The following RPAP3 variants were observed in gnomAD, a reference collection of about 807,000 sequenced individuals.
RPAP3 encodes the protein RNA polymerase II-associated protein 3.
RPAP3 carries 58 observed loss-of-function variants against 88.8 expected under a neutral mutation model. The ratio of observed to expected loss-of-function variants is 0.65; its 90% CI spans 0.53 to 0.81. The LOEUF (loss-of-function observed/expected upper bound fraction) is 0.81, where lower values mean the gene tolerates loss of function less well. Ranked by LOEUF, RPAP3 falls within the 40% of genes least tolerant of loss-of-function variation. RPAP3 has a pLI of 0.00. For synonymous variants in RPAP3, 255 were observed against 259.9 expected, an observed-to-expected ratio of 0.98 and a Z score of 0.18; for missense variants, 751 against 764.3, an observed-to-expected ratio of 0.98 and a Z score of 0.20.
At chr12:47,676,433 C>T (rs1317958835) in intron 12 of RPAP3, among the ~76,000 whole-genome samples, 2 of 152,118 alleles carry the variant, frequency 1.3e-5, no homozygotes, top group Non-Finnish European at 2.9e-5. Flanking sequence ...AAAAAAAACC[C>T]TTCAAAACAT....
chr12:47,668,857 G>C, intron 14 of RPAP3, 59 bp downstream of exon 14: 1 of 1,304,760 alleles, frequency 7.7e-7, no homozygotes, highest in Non-Finnish European at 1.1e-6. Flanking sequence ...TTATTATAAA[G>C]TGACAGAAGT....
At chr12:47,680,650 G>T (rs1939204568) in intron 10 of RPAP3, among the ~76,000 whole-genome samples, 1 of 151,684 alleles carries the variant, frequency 6.6e-6, no homozygotes, top group Middle Eastern at 3.2e-3. Flanking sequence ...ATAAAAAGCA[G>T]AAGGAAATTA....
At chr12:47,687,092 C>T (rs1203520085) in intron 8 of RPAP3, among the ~76,000 whole-genome samples, 185 bp from the exon 9 acceptor site, 1 of 152,092 alleles carries the variant, frequency 6.6e-6, no homozygotes, top group East Asian at 1.9e-4. Context: ...TTTTTAATGG[C>T]ATTATTCTCT....
chr12:47,692,209 C>A (rs1433045346), intron 5 of RPAP3, among the ~76,000 whole-genome samples: 1 of 152,204 alleles, frequency 6.6e-6, no homozygotes, highest in East Asian at 1.9e-4. Context: ...GCTGCATTAG[C>A]CCCTAACAAG....
rs529603372 is a variant in RPAP3, at chr12:47,684,168, A to C, written c.993-2351T>G. ...TGAAGCTAACCATCTACCAGCCTAC[A>C]TTCCACAATTTGCCAGCTCACAGGC... On this transcript the variant is annotated intron_variant, in intron 9 of 16. Transcript: ENST00000005386. Among the ~76,000 whole-genome samples the C allele has an allele frequency of 3.9e-5, 6 of 152,230 alleles. No homozygotes were observed. In the East Asian group the frequency reaches 1.2e-3, roughly 29 times the overall value.
At chr12:47,683,426 A>C (rs1939263328) in intron 9 of RPAP3, among the ~76,000 whole-genome samples, 1 of 152,214 alleles carries the variant, frequency 6.6e-6, no homozygotes, top group Non-Finnish European at 1.5e-5. Context: ...AAATCAAAAA[A>C]TTTCCAACAC....
Position 47,661,999 on chromosome 12 carries a change from G to C in RPAP3, c.*1506C>G, listed in dbSNP as rs1159442171. 1.3e-5 allele frequency: 2 copies of C among 152,232 alleles called. No homozygotes were observed. Among genetic ancestry groups the C allele is most frequent in the Non-Finnish European group, 2.9e-5 (2 of 68,080 alleles). 9.4% of individuals were successfully genotyped at this position (152,232 alleles called of 1,614,324 possible). A position where few individuals can be genotyped will look rare whatever the true frequency, so the allele number is the denominator to read the frequency against. ...TGGAGGATGGGGAGTCCAAGATGAA[G>C]ATGCCAGTAGATTCTGGTCTCTGGT... On this transcript the variant is annotated 3_prime_UTR_variant, in exon 17 of 17. Coordinates refer to ENST00000005386, the MANE Select transcript of RPAP3 (RefSeq NM_024604.3).
intron 12 of RPAP3, among the ~76,000 whole-genome samples, chr12:47,675,943 T>C (rs1478541461): frequency 6.6e-6 from 1 of 152,190 alleles, no homozygotes; most frequent in Admixed American, 6.5e-5. Flanking sequence ...AGAATATACA[T>C]TCTTCTCAGC....
In RPAP3 at chr12:47,688,340, T is replaced by C. The variant is rs78408148; in HGVS notation, c.739-339A>G. On this transcript the variant is annotated intron_variant, in intron 7 of 16. Transcript: ENST00000005386. ...AGACTACCTGTTGGGGAGAGAAACA[T>C]TGGGGTGGGGAGGGGAGGGGATGAA... is the stretch of plus-strand genomic sequence containing the variant. Among the ~76,000 whole-genome samples the C allele has an allele frequency of 4.9e-4, 74 of 151,514 alleles. 1 individual carries two copies. In the East Asian group the frequency reaches 0.013, roughly 27 times the overall value.
At position 47,662,168 on chromosome 12, in the gene RPAP3, C is replaced by T. The variant is rs531165593; in HGVS notation, c.*1337G>A. 2.6e-5 allele frequency: 4 copies of T among 152,252 alleles called. No homozygotes were observed. The South Asian group carries it at 8.3e-4, about 32-fold the overall frequency. 9.4% of individuals were successfully genotyped at this position (152,252 alleles called of 1,614,324 possible). On this transcript the variant is annotated 3_prime_UTR_variant, in exon 17 of 17. Transcript: ENST00000005386. ...AATCACTTCCCAAAGGCCCCACCTC[C>T]GAAGACCATCGCCTTCAGGGTTAGG...
At chr12:47,679,361 C>T (rs1027214245) in intron 12 of RPAP3, 132 bp downstream of exon 12, 4 of 564,256 alleles carry the variant, frequency 7.1e-6, no homozygotes, top group Non-Finnish European at 1.3e-5. Flanking sequence ...CAGATCTGCA[C>T]GTTGTGCACA....
chr12:47,669,060 G>T lies in RPAP3; in HGVS notation c.1569C>A (p.Ser523Arg), dbSNP rs765275115. 1 of 1,613,864 alleles carries T rather than the reference G, an allele frequency of 6.2e-7. No individual in the cohort carries two copies. The highest frequency in any genetic ancestry group is 1.6e-4 in the Middle Eastern group (1 of 6,062). ...SLKQDVCQSY[S>R]EKMPIEIEQK... is the part of the protein sequence containing the mutation. ...GTTCTATCTCTATGGGCATTTTCTC[G>T]CTGTAAGACTGACATACATCCTGCT... Residue 523 changes from serine (S) to arginine (R), a missense_variant, in exon 14 of 17, where the codon AGC becomes AGA. Coordinates refer to ENST00000005386, the MANE Select transcript of RPAP3 (RefSeq NM_024604.3).
At chr12:47,667,228 A>T in intron 15 of RPAP3, 148 bp from the exon 16 acceptor site, 1 of 375,146 alleles carries the variant, frequency 2.7e-6, no homozygotes, top group Non-Finnish European at 4.7e-6. Context: ...CCAAATGAAG[A>T]GATTTATCAA....
At chr12:47,665,148 A>G (rs1015948766) in intron 16 of RPAP3, among the ~76,000 whole-genome samples, 6 of 149,962 alleles carry the variant, frequency 4.0e-5, no homozygotes, top group South Asian at 2.1e-4. Flanking sequence ...GCTGGAGTGC[A>G]ATGGTGCAAT....
chr12:47,682,419 T>C (rs1939239226), intron 9 of RPAP3, among the ~76,000 whole-genome samples: 1 of 152,122 alleles, frequency 6.6e-6, no homozygotes, highest in Admixed American at 6.6e-5. Flanking sequence ...ACAAAAAAAC[T>C]TCAGACATTC....
chr12:47,704,695 T>G (rs988789446), intron 1 of RPAP3, among the ~76,000 whole-genome samples: 22 of 151,578 alleles, frequency 1.5e-4, no homozygotes, highest in Admixed American at 1.3e-3. Context: ...AGAGTTTCAA[T>G]AAGATTTTTT....
At chr12:47,683,972 AT>A (rs1939276412) in intron 9 of RPAP3, among the ~76,000 whole-genome samples, 1 of 152,106 alleles carries the variant, frequency 6.6e-6, no homozygotes, top group African/African-American at 2.4e-5. Context: ...CCCAAATCTA[AT>A]ATCTAATACT....
chr12:47,704,984 A>G (rs2136650678), intron 1 of RPAP3, among the ~76,000 whole-genome samples: 1 of 150,998 alleles, frequency 6.6e-6, no homozygotes, highest in South Asian at 2.1e-4. Context: ...GCCTGGGACC[A>G]AAAAAAAAGG....
At position 47,697,330 on chromosome 12, in the gene RPAP3, T is replaced by C. The variant is rs548324848; in HGVS notation, c.417+267A>G. Among the ~76,000 whole-genome samples the C allele has an allele frequency of 1.5e-3, 227 of 152,262 alleles. 2 individuals are homozygous for C. The highest frequency in any genetic ancestry group is 5.2e-3 in the African/African-American group (216 of 41,530). ...TTCACTTACTACCCATAAGAACCCGTTGAGGTTGGTAATATTATCATTTTG... is the reference window on the plus strand; with the variant it reads ...TTCACTTACTACCCATAAGAACCCGCTGAGGTTGGTAATATTATCATTTTG... On this transcript the variant is annotated intron_variant, in intron 4 of 16. Coordinates refer to ENST00000005386, the MANE Select transcript of RPAP3 (RefSeq NM_024604.3).
Sources: gnomAD v4.1 joint callset for allele counts (sites outside exome capture counted in the v4.1 genomes callset) on GRCh38, gnomAD v4.1.1 for gene constraint, MANE v1.5 for transcripts, NCBI Gene and HGNC (gene_info 2026-07-23, HGNC 2026-07-21) for gene names.